SUMF1: variants seen among roughly 807,000 people sequenced by gnomAD.
SUMF1 encodes the protein formylglycine-generating enzyme.
A neutral mutation model predicts 47.6 loss-of-function variants in SUMF1; 48 were observed. The ratio of observed to expected loss-of-function variants is 1.01; its 90% CI spans 0.80 to 1.28. The LOEUF is 1.28. SUMF1 is among the 50% of genes most tolerant of loss of function. SUMF1 has a pLI of 0.00. For synonymous variants in SUMF1, 230 were observed against 192.1 expected (o/e 1.20, Z -1.63); for missense variants, 571 against 485.4 (o/e 1.18, Z -1.66).
chr3:4,406,859 A>G (rs1016932599), intron 7 of SUMF1, among the ~76,000 whole-genome samples: 3 of 152,196 alleles, frequency 2.0e-5, no homozygotes, highest in African/African-American at 7.2e-5. Context: ...AGAATGTTAT[A>G]TAACCTCTAC....
chr3:4,335,831 G>A (rs967264124), intron 8 of SUMF1, among the ~76,000 whole-genome samples: 5 of 151,728 alleles, frequency 3.3e-5, no homozygotes, highest in Admixed American at 2.6e-4. Flanking sequence ...GTGGTGGCGG[G>A]CACATGTAAT....
At chr3:4,184,929 C>T (rs866003829) in intron 8 of SUMF1, among the ~76,000 whole-genome samples, 5 of 152,054 alleles carry the variant, frequency 3.3e-5, no homozygotes, top group South Asian at 4.2e-4. Flanking sequence ...GGATTACAGG[C>T]GTGAGCCACC....
intron 8 of SUMF1, among the ~76,000 whole-genome samples, chr3:4,345,461 A>T (rs308714): frequency 6.6e-6 from 1 of 152,064 alleles, no homozygotes; most frequent in African/African-American, 2.4e-5. Context: ...GAGAAATAAA[A>T]TCCTTTCCAG....
rs1429124303 is a variant in SUMF1, at chr3:4,163,418, G to A, written c.1015-94673C>T. On this transcript the variant is annotated intron_variant and NMD_transcript_variant, in intron 8 of 12. Transcript: ENST00000448413. Reference sequence around the variant, plus strand: ...AGGGAGGGAGGGAGGGAGGGAGGGAGGGAGGGAGGGAGGGAGGATGGGAAT... The same window carrying A: ...AGGGAGGGAGGGAGGGAGGGAGGGAAGGAGGGAGGGAGGGAGGATGGGAAT... Among the ~76,000 whole-genome samples the A allele has an allele frequency of 2.3e-4, 23 of 99,250 alleles. 3 individuals are homozygous for A. Among genetic ancestry groups the A allele is most frequent in the African/African-American group, 7.4e-4 (21 of 28,310 alleles). The allele number at this position is 99,250 out of a possible 152,430, so 65.1% of individuals were successfully genotyped here.
chr3:4,247,487 T>A (rs974756423), intron 8 of SUMF1, among the ~76,000 whole-genome samples: 5 of 152,214 alleles, frequency 3.3e-5, no homozygotes, highest in African/African-American at 1.2e-4. Context: ...ATTCTCTGCA[T>A]GAATCATTCA....
intron 8 of SUMF1, chr3:4,317,624 A>T (rs1698717472): frequency 1.9e-5 from 3 of 156,442 alleles, no homozygotes; most frequent in South Asian, 1.9e-4. Context: ...CTTTAAAAAA[A>T]TTTTCCTTTA....
Position 4,101,274 on chromosome 3 carries a change from T to G in SUMF1, c.1015-32529A>C, listed in dbSNP as rs558956750. Among the ~76,000 whole-genome samples, 61 of 152,244 alleles carry G rather than the reference T, an allele frequency of 4.0e-4. 1 individual carries two copies. Among genetic ancestry groups the G allele is most frequent in the African/African-American group, 1.4e-3 (59 of 41,538 alleles). On this transcript the variant is annotated intron_variant and NMD_transcript_variant, in intron 8 of 12. Transcript: ENST00000448413. ...TCAACGGATAAATGCATTTTTAAAA[T>G]GTGGTATATACACACAATGGAACCT...
intron 9 of SUMF1, among the ~76,000 whole-genome samples, chr3:4,068,166 G>A (rs973514790): frequency 1.1e-4 from 16 of 152,130 alleles, no homozygotes; most frequent in Admixed American, 9.8e-4. Context: ...ACATTGATAA[G>A]TGAAATCCAA....
intron 8 of SUMF1, among the ~76,000 whole-genome samples, chr3:4,276,998 G>C (rs1242929953): frequency 6.6e-6 from 1 of 152,126 alleles, no homozygotes; most frequent in Non-Finnish European, 1.5e-5. Flanking sequence ...AGAAAGATGA[G>C]GTAAAATATC....
chr3:4,065,200 A>G (rs1015491644), intron 9 of SUMF1, among the ~76,000 whole-genome samples: 1 of 151,914 alleles, frequency 6.6e-6, no homozygotes, highest in Non-Finnish European at 1.5e-5. Flanking sequence ...CCGCATTTCA[A>G]GATGCTTTTT....
chr3:4,224,419 C>G (rs1476049555), intron 8 of SUMF1, among the ~76,000 whole-genome samples: 1 of 152,014 alleles, frequency 6.6e-6, no homozygotes, highest in African/African-American at 2.4e-5. Context: ...GGCTCCCTAG[C>G]ATATTTTCCC....
intron 3 of SUMF1, among the ~76,000 whole-genome samples, chr3:4,441,005 T>C (rs1039287205): frequency 2.0e-5 from 3 of 151,818 alleles, no homozygotes; most frequent in African/African-American, 7.3e-5. Flanking sequence ...GAAAGGAGGG[T>C]TATCTATAGC....
chr3:4,368,446 A>G (rs1700055618), intron 8 of SUMF1, among the ~76,000 whole-genome samples: 1 of 152,208 alleles, frequency 6.6e-6, no homozygotes, highest in African/African-American at 2.4e-5. Flanking sequence ...TCAGGGATCT[A>G]GAACTAGAAA....
At chr3:4,216,834 G>C (rs1345498561) in intron 8 of SUMF1, among the ~76,000 whole-genome samples, 2 of 152,198 alleles carry the variant, frequency 1.3e-5, no homozygotes, top group Non-Finnish European at 2.9e-5. Flanking sequence ...ATGCCAGTTA[G>C]AATGGGGATC....
At chr3:4,313,951 A>C (rs1698532388) in intron 8 of SUMF1, 1 of 1,013,706 alleles carries the variant, frequency 9.9e-7, no homozygotes. Flanking sequence ...ACTACCCAGA[A>C]TACTCACTTT....
intron 8 of SUMF1, among the ~76,000 whole-genome samples, chr3:4,149,695 A>G: frequency 6.6e-6 from 1 of 152,138 alleles, no homozygotes. Flanking sequence ...GCCATATACT[A>G]CTATCTCGAA....
chr3:4,270,049 T>A (rs1295508512), intron 8 of SUMF1, among the ~76,000 whole-genome samples: 1 of 152,186 alleles, frequency 6.6e-6, no homozygotes, highest in Non-Finnish European at 1.5e-5. Flanking sequence ...AAGGTATTTT[T>A]AATCACATTT....
chr3:4,312,334 T>C (rs868706298), intron 8 of SUMF1, among the ~76,000 whole-genome samples: 1 of 152,150 alleles, frequency 6.6e-6, no homozygotes, highest in East Asian at 1.9e-4. Flanking sequence ...CACTGAGTTT[T>C]CTGACATCCA....
chr3:4,118,370 C>A (rs1197474060), intron 8 of SUMF1, among the ~76,000 whole-genome samples: 3 of 147,906 alleles, frequency 2.0e-5, no homozygotes, highest in African/African-American at 7.8e-5. Context: ...CAAGGAAACT[C>A]CAAAATATAG....
Sources: allele counts gnomAD v4.1 joint callset (sites outside exome capture counted in the v4.1 genomes callset), GRCh38; gene constraint gnomAD v4.1.1; transcripts MANE v1.5; gene names NCBI Gene and HGNC (gene_info 2026-07-23, HGNC 2026-07-21).